Variants in RAB27B observed in about 807,000 individuals in gnomAD.
The protein encoded by RAB27B is ras-related protein Rab-27B.
In RAB27B, 15 loss-of-function variants were observed where a neutral mutation model predicts 24.6. The observed-to-expected ratio is 0.61, with a 90% confidence interval of 0.41 to 0.94. RAB27B has a LOEUF of 0.94. RAB27B is among the 40% of genes least tolerant of loss of function. RAB27B has a pLI of 0.00. For synonymous variants in RAB27B, 105 were observed against 92.5 expected, an observed-to-expected ratio of 1.14 and a Z score of -0.78; for missense variants, 261 against 266.8, an observed-to-expected ratio of 0.98 and a Z score of 0.15.
At chr18:54,869,527 G>A (rs1474671421) in intron 1 of RAB27B, among the ~76,000 whole-genome samples, 1 of 152,154 alleles carries the variant, frequency 6.6e-6, no homozygotes, top group Admixed American at 6.5e-5. Context: ...CTTTTAGTGG[G>A]TGTATAGAAA....
chr18:54,883,766 C>A (rs773396707), intron 3 of RAB27B, among the ~76,000 whole-genome samples: 6 of 152,126 alleles, frequency 3.9e-5, no homozygotes, highest in Non-Finnish European at 5.9e-5. Flanking sequence ...TCCTTTTCCT[C>A]GTGAATCCTA....
chr18:54,799,268 A>G (rs113544274), intron 2 of RAB27B, among the ~76,000 whole-genome samples: 30 of 152,288 alleles, frequency 2.0e-4, no homozygotes, highest in African/African-American at 6.7e-4. Flanking sequence ...TTTATCATCA[A>G]TGACAGAAAA....
rs1181457010 is a variant in RAB27B at position 54,847,854 on chromosome 18, AG to A, written c.-20+19155del. On this transcript the variant is annotated intron_variant, in intron 1 of 5. Transcript: ENST00000262094. The stretch of plus-strand genomic sequence containing the variant: ...GGGACTCGTTTAAAAAAAGAAAGAA[AG>A]AAAAAAAAAACTTCAGCCAAATTAA... Among the ~76,000 whole-genome samples the A allele has an allele frequency of 1.3e-3, 105 of 80,456 alleles. 1 individual carries two copies. The East Asian group carries it at 0.083, about 64-fold the overall frequency. 52.8% of individuals were successfully genotyped at this position (80,456 alleles called of 152,430 possible).
At position 54,891,532 on chromosome 18, in the gene RAB27B, T is replaced by G. The variant is rs551150323; in HGVS notation, c.*2119T>G. On this transcript the variant is annotated 3_prime_UTR_variant, in exon 6 of 6. Transcript: ENST00000262094. ...TATATTGCCACTGCTGTGGCAAATT[T>G]TGGTGAACTTTTGGGGTCATTATAT... is the stretch of plus-strand genomic sequence containing the variant. 206 of 152,264 alleles carry G rather than the reference T, an allele frequency of 1.4e-3. 1 individual carries two copies. The highest frequency in any genetic ancestry group is 4.7e-3 in the African/African-American group (196 of 41,572). 9.4% of individuals were successfully genotyped at this position (152,264 alleles called of 1,614,324 possible).
chr18:54,731,588 C>T (rs866417959), intron 2 of RAB27B, among the ~76,000 whole-genome samples: 5 of 152,002 alleles, frequency 3.3e-5, no homozygotes, highest in East Asian at 1.9e-4. Flanking sequence ...GGTGTGGTGG[C>T]GCATGCCTGT....
intron 1 of RAB27B, among the ~76,000 whole-genome samples, chr18:54,866,906 G>A (rs1288757876): frequency 6.6e-6 from 1 of 152,144 alleles, no homozygotes; most frequent in Non-Finnish European, 1.5e-5. Context: ...TTTTATGTAC[G>A]GATCCTGGGC....
chr18:54,781,533 A>C (rs1413677816), intron 2 of RAB27B, among the ~76,000 whole-genome samples: 2 of 152,024 alleles, frequency 1.3e-5, no homozygotes, highest in Non-Finnish European at 2.9e-5. Context: ...TAATAACTTG[A>C]TACTTGCACA....
intron 2 of RAB27B, among the ~76,000 whole-genome samples, chr18:54,752,420 T>C (rs4801042): frequency 0.63 from 94,903 of 151,538 alleles, 30,757 homozygotes; most frequent in Non-Finnish European, 0.72. Context: ...CCCCAGGTGA[T>C]TCTCATGTGC....
At chr18:54,826,048 T>G (rs1910460665), upstream of RAB27B, among the ~76,000 whole-genome samples, 2 of 152,264 alleles carry the variant, frequency 1.3e-5, no homozygotes, top group East Asian at 3.8e-4. Context: ...CAAGTTTATG[T>G]GTTATTTTAT....
At chr18:54,770,776 G>A (rs56195639) in intron 2 of RAB27B, among the ~76,000 whole-genome samples, 8,240 of 151,650 alleles carry the variant, frequency 0.054, 286 homozygotes, top group Admixed American at 0.084. Flanking sequence ...AATAGCAGAC[G>A]TATAGTACTT....
At chr18:54,878,347 A>AGAT (rs1470233949) in intron 2 of RAB27B, among the ~76,000 whole-genome samples, 2 of 152,174 alleles carry the variant, frequency 1.3e-5, no homozygotes, top group African/African-American at 4.8e-5. Flanking sequence ...GTGACATGTG[A>AGAT]GATGTGTAGC....
At chr18:54,746,518 A>G (rs1818656502) in intron 2 of RAB27B, among the ~76,000 whole-genome samples, 1 of 152,192 alleles carries the variant, frequency 6.6e-6, no homozygotes. Flanking sequence ...CAGATCAGAG[A>G]TGCTTGTAGA....
chr18:54,854,091 G>A (rs566423178), intron 1 of RAB27B, among the ~76,000 whole-genome samples: 26 of 152,250 alleles, frequency 1.7e-4, no homozygotes, highest in Middle Eastern at 3.4e-3. Flanking sequence ...AAATGCCACC[G>A]GTAAGGGGCA....
chr18:54,776,831 G>T (rs967953452), intron 2 of RAB27B, among the ~76,000 whole-genome samples: 1 of 152,194 alleles, frequency 6.6e-6, no homozygotes, highest in Non-Finnish European at 1.5e-5. Context: ...GGCCAAGGCT[G>T]GTGAATCACT....
intron 2 of RAB27B, among the ~76,000 whole-genome samples, chr18:54,765,074 CAAAACAAAAA>C (rs1332710391): frequency 6.7e-6 from 1 of 149,064 alleles, no homozygotes; most frequent in African/African-American, 2.5e-5. Flanking sequence ...AAAGGAAAAA[CAAAACAAAAA>C]AAAACAAAAA....
chr18:54,720,236 A>C (rs1382219216), intron 2 of RAB27B, among the ~76,000 whole-genome samples: 2 of 152,140 alleles, frequency 1.3e-5, no homozygotes, highest in Non-Finnish European at 2.9e-5. Flanking sequence ...CTACTTTGTC[A>C]ATGAGTTTGA....
chr18:54,751,406 A>T (rs1312785987), intron 2 of RAB27B, among the ~76,000 whole-genome samples: 4 of 152,180 alleles, frequency 2.6e-5, no homozygotes, highest in Admixed American at 2.0e-4. Flanking sequence ...GAAAATGATC[A>T]ATTTGCTTTT....
chr18:54,744,449 G>T (rs1228975807), intron 2 of RAB27B, among the ~76,000 whole-genome samples: 3 of 152,140 alleles, frequency 2.0e-5, no homozygotes, highest in Non-Finnish European at 4.4e-5. Context: ...CTTTTTGAAG[G>T]AGAATATAGA....
chr18:54,723,633 C>CATAGATAG lies in RAB27B; in HGVS notation c.-20+5507_-20+5514dup, dbSNP rs140976362. On this transcript the variant is annotated intron_variant, in intron 2 of 4. Coordinates refer to the RAB27B transcript ENST00000586570. The stretch of plus-strand genomic sequence containing the variant: ...ATAGATAGCTAGAGAATTAGATAGA[C>CATAGATAG]ATAGATAGATAGATAGATAGATGAT... Among the ~76,000 whole-genome samples the CATAGATAG allele has an allele frequency of 1.0e-3, 153 of 151,904 alleles. 3 individuals are homozygous for CATAGATAG. The South Asian group carries it at 0.026, about 26-fold the overall frequency.
Sources: gnomAD v4.1 joint callset for allele counts (sites outside exome capture counted in the v4.1 genomes callset) on GRCh38, gnomAD v4.1.1 for gene constraint, MANE v1.5 for transcripts, NCBI Gene and HGNC (gene_info 2026-07-23, HGNC 2026-07-21) for gene names.